The following FARP1 variants were observed in gnomAD, a reference collection of about 807,000 sequenced individuals.
FARP1 encodes FERM, ARHGEF and pleckstrin domain-containing protein 1.
In FARP1, 52 loss-of-function variants were observed where a neutral mutation model predicts 128.8. That is an observed-to-expected ratio of 0.40 (90% CI 0.32 to 0.51). The LOEUF (loss-of-function observed/expected upper bound fraction) is 0.51, where lower values mean the gene tolerates loss of function less well. Among genes scored for constraint, FARP1 ranks in the 20% least tolerant of loss-of-function variants. The pLI, the probability that FARP1 is intolerant of heterozygous loss-of-function variation, is 0.45. For missense variants in FARP1, 1,333 were observed against 1,367.9 expected (o/e 0.97, Z 0.40); for synonymous variants, 580 against 551.8 (o/e 1.05, Z -0.72).
chr13:98,176,688 CA>C lies in FARP1; in HGVS notation c.-24+33197del, dbSNP rs775649538. ...GGTAATCCCAGCGCACAGTGGCGCG[CA>C]GATGCCCTGGCGCACGTATGGGGCC... On this transcript the variant is annotated intron_variant, in intron 1 of 26. Transcript: ENST00000319562. The surrounding 1 kb of genome is among the most constrained non-coding windows in gnomAD (Gnocchi z 6.2). 5.8e-5 allele frequency: 94 copies of C among 1,614,086 alleles called. No individual in the cohort carries two copies. The Admixed American group carries it at 1.5e-3, about 26-fold the overall frequency.
At chr13:98,242,537 C>T (rs758554342) in intron 2 of FARP1, among the ~76,000 whole-genome samples, 10 of 151,974 alleles carry the variant, frequency 6.6e-5, no homozygotes, top group East Asian at 5.9e-4. Context: ...AAGGTAGCCA[C>T]GTGTGGTGCT....
intron 2 of FARP1, among the ~76,000 whole-genome samples, chr13:98,318,886 G>A (rs1403962829): frequency 6.6e-6 from 1 of 151,452 alleles, no homozygotes; most frequent in African/African-American, 2.4e-5. Context: ...GCATCTGTGT[G>A]AAATACAAGA....
chr13:98,190,060 C>T (rs746113100), intron 1 of FARP1, among the ~76,000 whole-genome samples: 9 of 152,186 alleles, frequency 5.9e-5, no homozygotes, highest in Non-Finnish European at 1.2e-4. Context: ...TCCCCCTCAT[C>T]CCTGCACCGT....
At chr13:98,367,010 C>A (rs914629976) in intron 4 of FARP1, among the ~76,000 whole-genome samples, 2 of 152,094 alleles carry the variant, frequency 1.3e-5, no homozygotes, top group African/African-American at 4.8e-5. Context: ...ATTTAGATTT[C>A]ATTATAGTAC....
intron 6 of FARP1, chr13:98,384,471 G>C (rs1032943186): frequency 2.0e-5 from 10 of 495,248 alleles, no homozygotes; most frequent in Non-Finnish European, 2.9e-5. Context: ...GAGATTACAG[G>C]CATGAGCTAC....
chr13:98,377,827 G>T lies in FARP1; in HGVS notation c.405G>T (p.Leu135=), dbSNP rs758869612. The T allele has an allele frequency of 8.7e-6, 14 of 1,613,580 alleles. No homozygotes were observed. The highest frequency in any genetic ancestry group is 2.7e-5 in the African/African-American group (2 of 74,896). The change falls in exon 6 of 27, where the codon CTG becomes CTT. Residue 135 remains leucine, a synonymous_variant. Coordinates refer to ENST00000319562, the MANE Select transcript of FARP1 (RefSeq NM_005766.4). The stretch of plus-strand genomic sequence containing the variant: ...GCTCTGTTGATCTTCGCAGGTACCT[G>T]TTCGCGCTGCAGGTGAAGCAGGACT... ...TQLQEELTRY[L]FALQVKQDLA...
rs988918844 is a variant in FARP1 at position 98,452,910 on chromosome 13, T to C, written c.*4593T>C. 7 of 392,738 alleles carry C rather than the reference T, an allele frequency of 1.8e-5. No homozygotes were observed. Among genetic ancestry groups the C allele is most frequent in the Non-Finnish European group, 2.7e-5 (6 of 221,218 alleles). The allele number at this position is 392,738 out of a possible 1,614,324, so 24.3% of individuals were successfully genotyped here. On this transcript the variant is annotated 3_prime_UTR_variant, in exon 27 of 27. Coordinates refer to ENST00000319562, the MANE Select transcript of FARP1 (RefSeq NM_005766.4). ...ACACTTTCCTGGAATATGTGCACTA[T>C]GGTTAAAATTAAAAACAAAAGTAAT...
At chr13:98,365,528 C>T in intron 4 of FARP1, 91 bp downstream of exon 4, 2 of 864,720 alleles carry the variant, frequency 2.3e-6, no homozygotes, top group Non-Finnish European at 3.7e-6. Context: ...GCATGAAGCA[C>T]TAGAAACACA....
At chr13:98,219,748 C>T (rs1337763795) in intron 2 of FARP1, among the ~76,000 whole-genome samples, 1 of 152,216 alleles carries the variant, frequency 6.6e-6, no homozygotes, top group Non-Finnish European at 1.5e-5. Flanking sequence ...TCACTGCCGC[C>T]TTGACCTTCT....
intron 2 of FARP1, among the ~76,000 whole-genome samples, chr13:98,304,039 C>T (rs1459040489): frequency 6.6e-6 from 1 of 152,186 alleles, no homozygotes; most frequent in Non-Finnish European, 1.5e-5. Context: ...ACGGTCCTCT[C>T]TGTTTACTTT....
intron 2 of FARP1, among the ~76,000 whole-genome samples, chr13:98,286,055 C>T (rs1319992694): frequency 2.0e-5 from 3 of 152,256 alleles, no homozygotes; most frequent in Non-Finnish European, 4.4e-5. Flanking sequence ...TTGACTCTCT[C>T]ACTGCTCATA....
At chr13:98,336,515 A>G (rs1187219895) in intron 2 of FARP1, among the ~76,000 whole-genome samples, 1 of 152,116 alleles carries the variant, frequency 6.6e-6, no homozygotes, top group East Asian at 1.9e-4. Context: ...CAGGTGATTC[A>G]CCCGCCTTGG....
At chr13:98,236,667 A>G (rs1177189506) in intron 2 of FARP1, among the ~76,000 whole-genome samples, 1 of 152,190 alleles carries the variant, frequency 6.6e-6, no homozygotes, top group Admixed American at 6.5e-5. Flanking sequence ...ATCATTTACT[A>G]CCATAAAATG....
intron 2 of FARP1, among the ~76,000 whole-genome samples, chr13:98,226,326 C>A (rs573679887): frequency 2.6e-5 from 4 of 152,136 alleles, no homozygotes; most frequent in Admixed American, 6.5e-5. Context: ...TTTCTTGCTG[C>A]GCAAGTGTTT....
chr13:98,393,766 C>T (rs200422695), intron 12 of FARP1, 48 bp downstream of exon 12: 1 of 1,407,652 alleles, frequency 7.1e-7, no homozygotes. Flanking sequence ...CCCCACACTT[C>T]CTCCACGGAG....
chr13:98,266,322 C>T (rs1182546692), intron 2 of FARP1, among the ~76,000 whole-genome samples: 2 of 152,186 alleles, frequency 1.3e-5, no homozygotes, highest in African/African-American at 4.8e-5. Flanking sequence ...AAGATCTGGG[C>T]TTCAGTCCCA....
At chr13:98,206,772 A>G (rs1880297551) in intron 1 of FARP1, among the ~76,000 whole-genome samples, 1 of 152,186 alleles carries the variant, frequency 6.6e-6, no homozygotes, top group Admixed American at 6.5e-5. Context: ...TTTTAAAGTA[A>G]TTTCTCAAAT....
At chr13:98,213,183 A>G (rs2139325850) in intron 1 of FARP1, 37 bp from the exon 2 acceptor site, 3 of 1,555,952 alleles carry the variant, frequency 1.9e-6, no homozygotes, top group South Asian at 2.4e-5. Flanking sequence ...GTAGTCTCCT[A>G]TTCTGATGTG....
chr13:98,417,003 G>A (rs990733199), intron 16 of FARP1, among the ~76,000 whole-genome samples: 57 of 152,324 alleles, frequency 3.7e-4, no homozygotes, highest in African/African-American at 1.3e-3. Context: ...GGACCAGACT[G>A]ACTGAATGTC....
Sources: allele counts gnomAD v4.1 joint callset (sites outside exome capture counted in the v4.1 genomes callset), GRCh38; gene constraint gnomAD v4.1.1; non-coding constraint Gnocchi (gnomAD v3.1); transcripts MANE v1.5; gene names NCBI Gene and HGNC (gene_info 2026-07-23, HGNC 2026-07-21).